GPHN: variants seen among roughly 807,000 people sequenced by gnomAD.
The protein encoded by GPHN is gephyrin.
Under a neutral mutation model 95.5 loss-of-function variants are expected in GPHN, and 17 were observed. The ratio of observed to expected loss-of-function variants is 0.18; its 90% CI spans 0.12 to 0.27. GPHN has a LOEUF of 0.27. Ranked by LOEUF, GPHN falls within the 10% of genes least tolerant of loss-of-function variation. The pLI is 1.00. For missense variants in GPHN, 660 were observed against 978.1 expected, an observed-to-expected ratio of 0.67 and a Z score of 4.34; for synonymous variants, 320 against 322.5, an observed-to-expected ratio of 0.99 and a Z score of 0.08.
At chr14:67,021,089 T>C (rs927947279) in intron 9 of GPHN, among the ~76,000 whole-genome samples, 1 of 152,122 alleles carries the variant, frequency 6.6e-6, no homozygotes, top group Admixed American at 6.6e-5. Context: ...TGTATAAAAT[T>C]AAGTACATAT....
chr14:67,641,915 T>C, the GPHN span, among the ~76,000 whole-genome samples: 1 of 152,254 alleles, frequency 6.6e-6, no homozygotes, highest in Admixed American at 6.5e-5. Flanking sequence ...TTCTACTCTA[T>C]CACTCCAGGA....
the GPHN span, among the ~76,000 whole-genome samples, chr14:67,281,762 TTTTG>T: frequency 5.3e-5 from 8 of 152,262 alleles, no homozygotes; most frequent in South Asian, 8.3e-4. Flanking sequence ...GAGTTTATGG[TTTTG>T]TTTGTTTTGC....
chr14:67,317,028 G>A, the GPHN span: 6 of 667,172 alleles, frequency 9.0e-6, no homozygotes, highest in Non-Finnish European at 1.5e-5. Flanking sequence ...AGGCAAAACT[G>A]ATTATCTCAG....
At chr14:67,105,199 A>C (rs1034545771) in intron 13 of GPHN, among the ~76,000 whole-genome samples, 1 of 152,050 alleles carries the variant, frequency 6.6e-6, no homozygotes, top group African/African-American at 2.4e-5. Flanking sequence ...TTGGAAAAAA[A>C]TTCGATATAA....
chr14:67,455,712 C>T, the GPHN span, among the ~76,000 whole-genome samples: 55,969 of 151,958 alleles, frequency 0.37, 11,566 homozygotes, highest in African/African-American at 0.56. Context: ...CTATCATTTA[C>T]CATATATAAT....
the GPHN span, chr14:67,384,798 T>C: frequency 6.6e-6 from 1 of 152,208 alleles, no homozygotes; most frequent in Non-Finnish European, 1.5e-5. Flanking sequence ...GTGCCATGAT[T>C]GCTAGCCAGC....
intron 9 of GPHN, among the ~76,000 whole-genome samples, chr14:66,997,555 C>T (rs1007239277): frequency 6.6e-6 from 1 of 151,920 alleles, no homozygotes; most frequent in Admixed American, 6.6e-5. Context: ...CAAAGAAAAC[C>T]CTTGAAAGAT....
At chr14:66,950,050 A>G (rs2068006930) in intron 8 of GPHN, among the ~76,000 whole-genome samples, 1 of 151,454 alleles carries the variant, frequency 6.6e-6, no homozygotes, top group Non-Finnish European at 1.5e-5. Context: ...AGTTCCTAGG[A>G]AAATTATGTG....
At chr14:67,282,055 T>C in the GPHN span, among the ~76,000 whole-genome samples, 1 of 152,198 alleles carries the variant, frequency 6.6e-6, no homozygotes, top group African/African-American at 2.4e-5. Context: ...AAATAAATGA[T>C]ATATTTTATG....
chr14:67,692,543 C>T, the GPHN span: 1 of 1,610,518 alleles, frequency 6.2e-7, no homozygotes, highest in Non-Finnish European at 8.5e-7. Flanking sequence ...ATCTCTTTGG[C>T]CACCAATTCC....
At chr14:67,100,390 G>T (rs1481344412) in intron 12 of GPHN, among the ~76,000 whole-genome samples, 2 of 152,120 alleles carry the variant, frequency 1.3e-5, no homozygotes, top group African/African-American at 4.8e-5. Flanking sequence ...GTATGAAGTT[G>T]TTAAAATGTT....
the GPHN span, among the ~76,000 whole-genome samples, chr14:67,229,172 C>T: frequency 2.6e-5 from 4 of 152,202 alleles, no homozygotes; most frequent in Non-Finnish European, 4.4e-5. Flanking sequence ...TCTTTGAACC[C>T]AAGAAGCCCA....
the GPHN span, chr14:67,575,730 G>A: frequency 3.0e-5 from 29 of 954,232 alleles, no homozygotes; most frequent in Admixed American, 6.7e-5. Flanking sequence ...CCATATCCAC[G>A]ATTCCCAGCT....
chr14:67,086,779 C>T (rs1156955719), intron 11 of GPHN, among the ~76,000 whole-genome samples: 1 of 151,870 alleles, frequency 6.6e-6, no homozygotes, highest in Non-Finnish European at 1.5e-5. Flanking sequence ...TGGCTCACGC[C>T]TGTAATCTCA....
At chr14:67,475,613 T>C in the GPHN span, among the ~76,000 whole-genome samples, 1 of 152,228 alleles carries the variant, frequency 6.6e-6, no homozygotes, top group Non-Finnish European at 1.5e-5. Flanking sequence ...GGTTCTCTCA[T>C]TGTGGTCACA....
chr14:67,372,028 G>A, the GPHN span, among the ~76,000 whole-genome samples: 1 of 152,146 alleles, frequency 6.6e-6, no homozygotes, highest in South Asian at 2.1e-4. Flanking sequence ...ACTTTGGGAG[G>A]CCTAGGTGGG....
chr14:66,603,072 C>T (rs563559669), intron 1 of GPHN, among the ~76,000 whole-genome samples: 1 of 151,796 alleles, frequency 6.6e-6, no homozygotes, highest in South Asian at 2.1e-4. Context: ...TTATTAAAAA[C>T]AATTGAAAAA....
chr14:67,156,276 A>G (rs2081582293), intron 18 of GPHN, among the ~76,000 whole-genome samples: 1 of 152,122 alleles, frequency 6.6e-6, no homozygotes, highest in Non-Finnish European at 1.5e-5. Context: ...TATGTAGAAA[A>G]TATATACAAT....
At chr14:67,555,851 G>A in the GPHN span, 25 of 1,613,274 alleles carry the variant, frequency 1.5e-5, no homozygotes, top group Non-Finnish European at 1.9e-5. Flanking sequence ...AGAGGCTGCT[G>A]GAGGCAGAGC....
Sources: allele counts gnomAD v4.1 joint callset (sites outside exome capture counted in the v4.1 genomes callset), GRCh38; gene constraint gnomAD v4.1.1; transcripts MANE v1.5; gene names NCBI Gene and HGNC (gene_info 2026-07-23, HGNC 2026-07-21).